Variants in KIAA1549L observed in about 807,000 individuals in gnomAD.
KIAA1549L encodes the protein KIAA1549 like.
A neutral mutation model predicts 160.7 loss-of-function variants in KIAA1549L; 88 were observed. The ratio of observed to expected loss-of-function variants is 0.55; its 90% confidence interval spans 0.46 to 0.65. KIAA1549L has a LOEUF of 0.65. Among genes scored for constraint, KIAA1549L ranks in the 30% least tolerant of loss-of-function variants. The pLI is 0.00. For missense variants in KIAA1549L, 2,258 were observed against 2,437.5 expected, an observed-to-expected ratio of 0.93 and a Z score of 1.55; for synonymous variants, 950 against 976.7, an observed-to-expected ratio of 0.97 and a Z score of 0.51.
chr11:33,411,071 G>C (rs751311677), intron 1 of KIAA1549L, among the ~76,000 whole-genome samples: 8 of 152,150 alleles, frequency 5.3e-5, no homozygotes, highest in African/African-American at 7.2e-5. Flanking sequence ...TCCCAGTGGA[G>C]TGAGTGATAG....
intron 1 of KIAA1549L, among the ~76,000 whole-genome samples, chr11:33,432,821 T>A (rs1590240476): frequency 6.6e-6 from 1 of 151,984 alleles, no homozygotes; most frequent in East Asian, 1.9e-4. Context: ...CTGACAAAAA[T>A]AAGCAACGGG....
chr11:33,476,003 C>A (rs912729117), intron 1 of KIAA1549L, among the ~76,000 whole-genome samples: 6 of 152,222 alleles, frequency 3.9e-5, no homozygotes, highest in Non-Finnish European at 8.8e-5. Flanking sequence ...CCCATCCCTG[C>A]TTGAGAAGCT....
intron 1 of KIAA1549L, among the ~76,000 whole-genome samples, chr11:33,380,129 A>G (rs1337543065): frequency 1.3e-5 from 2 of 152,136 alleles, no homozygotes; most frequent in African/African-American, 4.8e-5. Context: ...AGTCCTCAGC[A>G]CCCTGTCTGC....
intron 16 of KIAA1549L, among the ~76,000 whole-genome samples, chr11:33,618,954 C>T (rs1314227177): frequency 1.3e-5 from 2 of 152,124 alleles, no homozygotes; most frequent in Non-Finnish European, 2.9e-5. Flanking sequence ...TTATTTTCCC[C>T]TCTGTCCTTA....
chr11:33,530,436 AATATATATATATATAT>A (rs869093534), intron 1 of KIAA1549L, among the ~76,000 whole-genome samples: 6 of 11,888 alleles, frequency 5.0e-4, no homozygotes, highest in East Asian at 3.4e-3. Flanking sequence ...AAAAAAAAAA[AATATATATATATATAT>A]ATATATATAT....
chr11:33,515,691 C>T (rs1232408741), intron 1 of KIAA1549L, among the ~76,000 whole-genome samples: 1 of 152,260 alleles, frequency 6.6e-6, no homozygotes, highest in Non-Finnish European at 1.5e-5. Flanking sequence ...CCATCTCTGT[C>T]AATCCTGCTG....
intron 1 of KIAA1549L, among the ~76,000 whole-genome samples, chr11:33,472,396 CAT>C (rs1476281328): frequency 6.7e-6 from 1 of 148,764 alleles, no homozygotes; most frequent in African/African-American, 2.5e-5. Context: ...ACTAGGATAA[CAT>C]GTGTGAGCCA....
chr11:33,470,199 G>A (rs550769391), intron 1 of KIAA1549L, among the ~76,000 whole-genome samples: 3 of 152,252 alleles, frequency 2.0e-5, no homozygotes, highest in East Asian at 3.9e-4. Context: ...TGTATATGGT[G>A]TGAGGTAGGG....
At chr11:33,422,531 CT>C (rs1286967000) in intron 1 of KIAA1549L, among the ~76,000 whole-genome samples, 3 of 114,110 alleles carry the variant, frequency 2.6e-5, no homozygotes, top group Admixed American at 1.8e-4. Flanking sequence ...TCCCTTCCCC[CT>C]TTCCCCCCTC....
At chr11:33,515,046 C>T (rs1565165455) in intron 1 of KIAA1549L, among the ~76,000 whole-genome samples, 1 of 152,170 alleles carries the variant, frequency 6.6e-6, no homozygotes. Context: ...TCCCCCACAG[C>T]AATGTTGCTA....
intron 1 of KIAA1549L, among the ~76,000 whole-genome samples, chr11:33,436,127 C>T (rs1403742322): frequency 6.6e-6 from 1 of 151,772 alleles, no homozygotes; most frequent in Non-Finnish European, 1.5e-5. Context: ...AATGCTATGC[C>T]ACTTTATATC....
Position 33,376,376 on chromosome 11 carries a change from A to T in KIAA1549L, c.-276A>T, listed in dbSNP as rs1347375789. 1 of 146,664 alleles carries T rather than the reference A, an allele frequency of 6.8e-6. No homozygotes were observed. The highest frequency in any genetic ancestry group is 1.5e-5 in the Non-Finnish European group (1 of 66,188). 9.1% of individuals were successfully genotyped at this position (146,664 alleles called of 1,614,324 possible). A position where few individuals can be genotyped will look rare whatever the true frequency, so the allele number is the denominator to read the frequency against. On this transcript the variant is annotated 5_prime_UTR_variant, in exon 1 of 21. Coordinates refer to ENST00000658780, the MANE Select transcript of KIAA1549L (RefSeq NM_012194.3). The surrounding 1 kb of genome is among the most constrained non-coding windows in gnomAD (Gnocchi z 5.8). ...GCGCCCGTCCCACCCTCGCCGCCCCAATCGCGCCGGCGCGCGGCGACAGGC... is the reference window on the plus strand; with the variant it reads ...GCGCCCGTCCCACCCTCGCCGCCCCTATCGCGCCGGCGCGCGGCGACAGGC...
chr11:33,575,470 C>G (rs1416013833), intron 10 of KIAA1549L, among the ~76,000 whole-genome samples: 1 of 152,154 alleles, frequency 6.6e-6, no homozygotes, highest in African/African-American at 2.4e-5. Flanking sequence ...AGCTGCTATG[C>G]GAGTTACTTC....
At chr11:33,552,713 A>T (rs1295349085) in intron 6 of KIAA1549L, among the ~76,000 whole-genome samples, 2 of 150,130 alleles carry the variant, frequency 1.3e-5, no homozygotes, top group South Asian at 4.2e-4. Context: ...CATGCGTTTT[A>T]TATTGAAGTC....
chr11:33,435,771 T>TACACAC lies in KIAA1549L; in HGVS notation c.238+58883_238+58884insCACACA, dbSNP rs1227216264. Among the ~76,000 whole-genome samples the TACACAC allele has an allele frequency of 3.7e-4, 11 of 29,928 alleles. 2 individuals carry two copies. The highest frequency in any genetic ancestry group is 2.4e-3 in the Admixed American group (8 of 3,388). The allele number at this position is 29,928 out of a possible 152,430, so 19.6% of individuals were successfully genotyped here. A position where few individuals can be genotyped will look rare whatever the true frequency, so the allele number is the denominator to read the frequency against. On this transcript the variant is annotated intron_variant, in intron 1 of 20. Coordinates refer to ENST00000658780, the MANE Select transcript of KIAA1549L (RefSeq NM_012194.3). Reference sequence around the variant, plus strand: ...ACAGAACCAATAAGATATATATATATATATATATATATATATATATATATA... The same window carrying TACACAC: ...ACAGAACCAATAAGATATATATATATACACACATATATATATATATATATATATATA...
intron 15 of KIAA1549L, among the ~76,000 whole-genome samples, chr11:33,616,871 G>A (rs758496847): frequency 6.6e-6 from 1 of 152,148 alleles, no homozygotes. Flanking sequence ...GGGCACGGAG[G>A]CTCACACCTG....
chr11:33,567,147 A>G (rs1315558521), intron 8 of KIAA1549L, among the ~76,000 whole-genome samples: 1 of 152,186 alleles, frequency 6.6e-6, no homozygotes, highest in African/African-American at 2.4e-5. Context: ...ACCATCATTC[A>G]TGCCTTACCT....
intron 1 of KIAA1549L, among the ~76,000 whole-genome samples, chr11:33,493,812 A>G (rs996074934): frequency 3.9e-5 from 6 of 152,180 alleles, no homozygotes; most frequent in Non-Finnish European, 8.8e-5. Context: ...TGGGAATCAA[A>G]CTAAGCTGAT....
Position 33,645,990 on chromosome 11 carries a change from T to C in KIAA1549L, c.5714T>C (p.Val1905Ala). ...CGGCCCAGGGCCGGGGTGCAGTGGG[T>C]GCCGACCTACCGCCCAGAAATGTAT... ...MTRPRAGVQWVPTYRPEMYQY... is the reference protein window; with the variant it reads ...MTRPRAGVQWAPTYRPEMYQY... Residue 1905 changes from valine (V) to alanine (A), a missense_variant, in exon 17 of 21, where the codon GTG becomes GCG. Transcript: ENST00000658780. The C allele has an allele frequency of 6.2e-7, 1 of 1,607,992 alleles. No homozygotes were observed. The highest frequency in any genetic ancestry group is 8.5e-7 in the Non-Finnish European group (1 of 1,177,344).
Sources: allele counts gnomAD v4.1 joint callset (sites outside exome capture counted in the v4.1 genomes callset), GRCh38; gene constraint gnomAD v4.1.1; non-coding constraint Gnocchi (gnomAD v3.1); transcripts MANE v1.5; gene names NCBI Gene and HGNC (gene_info 2026-07-23, HGNC 2026-07-21).